PCSK5: variants seen among roughly 807,000 people sequenced by gnomAD.
The protein encoded by PCSK5 is proprotein convertase subtilisin/kexin type 5.
Under a neutral mutation model 233.2 loss-of-function variants are expected in PCSK5, and 129 were observed. That is an observed-to-expected ratio of 0.55 (90% CI 0.48 to 0.64). The LOEUF is 0.64. Ranked by LOEUF, PCSK5 falls within the 30% of genes least tolerant of loss-of-function variation. PCSK5 has a pLI of 0.00. For synonymous variants in PCSK5, 825 were observed against 879.2 expected (o/e 0.94, Z 1.09); for missense variants, 2,076 against 2,430.1 (o/e 0.85, Z 3.06).
At chr9:75,928,818 C>A (rs1224454674) in intron 1 of PCSK5, among the ~76,000 whole-genome samples, 1 of 151,536 alleles carries the variant, frequency 6.6e-6, no homozygotes, top group African/African-American at 2.4e-5. Flanking sequence ...AGAACTAAAC[C>A]ATTTTTGCTG....
At chr9:76,158,587 G>C (rs28701906) in intron 11 of PCSK5, among the ~76,000 whole-genome samples, 1 of 152,150 alleles carries the variant, frequency 6.6e-6, no homozygotes. Context: ...ACAGTAAGTG[G>C]TTCTCACAGT....
At chr9:76,028,703 A>G (rs1828531801) in intron 5 of PCSK5, among the ~76,000 whole-genome samples, 1 of 152,136 alleles carries the variant, frequency 6.6e-6, no homozygotes. Context: ...CATGACCCCT[A>G]AACTGTAATT....
chr9:76,258,859 C>T (rs770761736), intron 24 of PCSK5, among the ~76,000 whole-genome samples: 7 of 152,104 alleles, frequency 4.6e-5, no homozygotes, highest in Non-Finnish European at 1.0e-4. Context: ...AATGGAAATC[C>T]GAACCATGAA....
In PCSK5 at chr9:76,360,034, T is replaced by C. The variant is rs1192982152; in HGVS notation, c.*1112T>C. The C allele has an allele frequency of 4.6e-5, 7 of 152,334 alleles. No homozygotes were observed. The highest frequency in any genetic ancestry group is 4.4e-5 in the Non-Finnish European group (3 of 68,038). 9.4% of individuals were successfully genotyped at this position (152,334 alleles called of 1,614,324 possible). On this transcript the variant is annotated 3_prime_UTR_variant, in exon 38 of 38. Transcript: ENST00000674117. ...TCTGTCAAGTGTATTCTTGGATTCATGCAACTGAGGACAGTTTTTGTCCAG... is the reference window on the plus strand; with the variant it reads ...TCTGTCAAGTGTATTCTTGGATTCACGCAACTGAGGACAGTTTTTGTCCAG...
Position 76,042,550 on chromosome 9 carries a change from G to C in PCSK5, c.632+15513G>C, listed in dbSNP as rs185078295. Among the ~76,000 whole-genome samples, 347 of 152,298 alleles carry C rather than the reference G, an allele frequency of 2.3e-3. 1 individual carries two copies. The highest frequency in any genetic ancestry group is 4.8e-3 in the Admixed American group (73 of 15,300). ...TGTGCCTGTAATCCCAGCTACTAGG[G>C]GGGGCTGAGGTGGGAGAATAGCTTG... On this transcript the variant is annotated intron_variant, in intron 5 of 37. Transcript: ENST00000674117.
intron 24 of PCSK5, among the ~76,000 whole-genome samples, chr9:76,255,113 C>T (rs1378340912): frequency 6.6e-6 from 1 of 151,760 alleles, no homozygotes; most frequent in Admixed American, 6.6e-5. Flanking sequence ...ATGGTGAAAC[C>T]CCATCTCTAC....
intron 22 of PCSK5, among the ~76,000 whole-genome samples, chr9:76,235,222 G>C (rs1826214032): frequency 6.6e-6 from 1 of 152,080 alleles, no homozygotes; most frequent in Non-Finnish European, 1.5e-5. Flanking sequence ...AGAAAATGTG[G>C]GTTCAAGTCC....
In PCSK5 at chr9:76,134,099, CT is replaced by C; in HGVS notation, c.1209-7del. 6.6e-7 allele frequency: 1 copy of C among 1,514,760 alleles called. No homozygotes were observed. Among genetic ancestry groups the C allele is most frequent in the Non-Finnish European group, 9.1e-7 (1 of 1,104,244 alleles). 93.8% of individuals were successfully genotyped at this position (1,514,760 alleles called of 1,614,324 possible). ...TTTGGTACAATGATTCTTACCTTGT[CT>C]TTCCCCAGTCCGTTTCTGACCTGGA... On this transcript the variant is annotated splice_polypyrimidine_tract_variant and intron_variant, in intron 9 of 37. Coordinates refer to ENST00000674117, the MANE Select transcript of PCSK5 (RefSeq NM_001372043.1).
rs574686244 is a variant in PCSK5, at chr9:76,043,865, C to A, written c.632+16828C>A. Among the ~76,000 whole-genome samples the A allele has an allele frequency of 5.9e-5, 9 of 152,120 alleles. No individual in the cohort carries two copies. The South Asian group carries it at 1.9e-3, about 32-fold the overall frequency. ...TGAATTACAGGTGTGAGCCACTGTG[C>A]CCAGCCTGATTAATAAAACTTGTGA... On this transcript the variant is annotated intron_variant, in intron 5 of 37. Transcript: ENST00000674117.
At chr9:75,976,097 A>G (rs2131373225) in intron 2 of PCSK5, among the ~76,000 whole-genome samples, 1 of 152,240 alleles carries the variant, frequency 6.6e-6, no homozygotes, top group East Asian at 1.9e-4. Context: ...ATTTCCTCTT[A>G]TTGATTAAAT....
At chr9:75,917,126 G>A (rs2131246626) in intron 1 of PCSK5, among the ~76,000 whole-genome samples, 1 of 143,980 alleles carries the variant, frequency 6.9e-6, no homozygotes, top group South Asian at 2.2e-4. Context: ...CCAAGATTGT[G>A]CCACTGCATG....
At position 75,994,384 on chromosome 9, in the gene PCSK5, T is replaced by TTTTC. The variant is rs1193643061; in HGVS notation, c.411+8155_411+8158dup. 2.9e-3 allele frequency among the ~76,000 whole-genome samples: 210 copies of TTTTC among 73,450 alleles called. 23 individuals carry two copies. The highest frequency in any genetic ancestry group is 6.5e-3 in the African/African-American group (147 of 22,626). 48.2% of individuals were successfully genotyped at this position (73,450 alleles called of 152,430 possible). A position where few individuals can be genotyped will look rare whatever the true frequency, so the allele number is the denominator to read the frequency against. ...GCCTCCCAACCTCCCAGTTTCTTTC[T>TTTTC]TTTCTTTCTTTCTTTCTTTTTTTTT... On this transcript the variant is annotated intron_variant, in intron 3 of 37. Coordinates refer to ENST00000674117, the MANE Select transcript of PCSK5 (RefSeq NM_001372043.1).
intron 9 of PCSK5, among the ~76,000 whole-genome samples, chr9:76,119,057 G>A (rs895517275): frequency 2.0e-5 from 3 of 151,894 alleles, no homozygotes; most frequent in Non-Finnish European, 2.9e-5. Context: ...AAGGTTTCAA[G>A]TTTTTGTGGG....
rs568189437 is a variant in PCSK5 at position 76,155,712 on chromosome 9, A to G, written c.1313-1333A>G. Among the ~76,000 whole-genome samples, 33 of 152,350 alleles carry G rather than the reference A, an allele frequency of 2.2e-4. No homozygotes were observed. The Middle Eastern group carries it at 0.014, about 63-fold the overall frequency. On this transcript the variant is annotated intron_variant, in intron 10 of 37. Transcript: ENST00000674117. Reference sequence around the variant, plus strand: ...AATTAGTTACCAGAGTAGAAAGGAGAAAAGTTCACTGGTCACAGATAGTCA... The same window carrying G: ...AATTAGTTACCAGAGTAGAAAGGAGGAAAGTTCACTGGTCACAGATAGTCA...
At chr9:76,308,135 G>A (rs917551417) in intron 28 of PCSK5, among the ~76,000 whole-genome samples, 2 of 152,056 alleles carry the variant, frequency 1.3e-5, no homozygotes, top group African/African-American at 2.4e-5. Context: ...AGGCAGAGGC[G>A]GCAGTGAGCC....
intron 27 of PCSK5, among the ~76,000 whole-genome samples, chr9:76,297,523 A>G (rs989832542): frequency 4.6e-5 from 7 of 152,080 alleles, no homozygotes; most frequent in African/African-American, 1.7e-4. Flanking sequence ...TTCCTCCCCG[A>G]GTCTTTAGAA....
chr9:76,076,350 G>C (rs1830646698), intron 7 of PCSK5, among the ~76,000 whole-genome samples: 1 of 152,146 alleles, frequency 6.6e-6, no homozygotes, highest in Non-Finnish European at 1.5e-5. Flanking sequence ...AGCCATGAAA[G>C]ACTAAACAGA....
intron 24 of PCSK5, among the ~76,000 whole-genome samples, chr9:76,289,711 T>G (rs1356756393): frequency 6.6e-6 from 1 of 152,218 alleles, no homozygotes; most frequent in Non-Finnish European, 1.5e-5. Flanking sequence ...AGCTTATGTC[T>G]GACTTGTGGA....
intron 2 of PCSK5, among the ~76,000 whole-genome samples, chr9:75,970,388 A>G (rs1825766300): frequency 6.6e-6 from 1 of 152,164 alleles, no homozygotes; most frequent in Non-Finnish European, 1.5e-5. Context: ...TGGAGGGAAA[A>G]AGGATTTCTA....
Sources: gnomAD v4.1 joint callset for allele counts (sites outside exome capture counted in the v4.1 genomes callset) on GRCh38, gnomAD v4.1.1 for gene constraint, MANE v1.5 for transcripts, NCBI Gene and HGNC (gene_info 2026-07-23, HGNC 2026-07-21) for gene names.